Variants in PHF5A observed in about 807,000 individuals in gnomAD.
PHF5A encodes the protein PHD finger protein 5A, also known as PHD finger-like domain-containing protein 5A.
For synonymous variants in PHF5A, 52 were observed against 46.0 expected (o/e 1.13, Z -0.52); for missense variants, 24 against 140.6 (o/e 0.17, Z 4.19).
At chr22:41,467,772 G>A (rs576878605) in intron 2 of PHF5A, among the ~76,000 whole-genome samples, 158 bp from the exon 3 acceptor site, 3 of 152,272 alleles carry the variant, frequency 2.0e-5, no homozygotes, top group Admixed American at 6.5e-5. Context: ...GGTTTCCCCA[G>A]TGTCCATCTC....
chr22:41,465,182 T>C (rs2037856279), intron 3 of PHF5A, among the ~76,000 whole-genome samples: 1 of 152,194 alleles, frequency 6.6e-6, no homozygotes, highest in South Asian at 2.1e-4. Flanking sequence ...TACTCACTTT[T>C]TTTTTTTGAG....
In PHF5A at chr22:41,460,373, G is replaced by T. The variant is rs201597741; in HGVS notation, c.*25C>A. 66 of 1,565,312 alleles carry T rather than the reference G, an allele frequency of 4.2e-5. No individual in the cohort carries two copies. The Admixed American group carries it at 5.1e-4, about 12-fold the overall frequency. Reference sequence around the variant, plus strand: ...TGGCAGCTGCAGCAGACTGATGTTGGGGGGAGGAAGGGGCCACCCACCAAT... The same window carrying T: ...TGGCAGCTGCAGCAGACTGATGTTGTGGGGAGGAAGGGGCCACCCACCAAT... On this transcript the variant is annotated 3_prime_UTR_variant, in exon 4 of 4. Transcript: ENST00000216252.
rs11387908 is a variant in PHF5A, at chr22:41,463,724, C to CAAAA, written c.244-3241_244-3238dup. ...TGGGAGACACAGTAAGACTCTGTCTCAAAAAAAAAAAAAAAAAAAAAAAGC... is the reference window on the plus strand; with the variant it reads ...TGGGAGACACAGTAAGACTCTGTCTCAAAAAAAAAAAAAAAAAAAAAAAAAAAGC... On this transcript the variant is annotated intron_variant, in intron 3 of 3. Coordinates refer to ENST00000216252, the MANE Select transcript of PHF5A (RefSeq NM_032758.4). Among the ~76,000 whole-genome samples the CAAAA allele has an allele frequency of 4.4e-3, 257 of 59,000 alleles. 26 individuals are homozygous for CAAAA. Among genetic ancestry groups the CAAAA allele is most frequent in the African/African-American group, 0.017 (224 of 13,470 alleles). 38.7% of individuals were successfully genotyped at this position (59,000 alleles called of 152,430 possible). A position where few individuals can be genotyped will look rare whatever the true frequency, so the allele number is the denominator to read the frequency against.
In PHF5A at chr22:41,459,742, TTAA is replaced by T. The variant is rs2037811195; in HGVS notation, c.*653_*655del. On this transcript the variant is annotated 3_prime_UTR_variant, in exon 4 of 4. Transcript: ENST00000216252. ...TACCAGAAAATAAACACCAACTTTA[TTAA>T]TATAATAGCAACAGAAAGAGTTTCC... The T allele has an allele frequency of 3.3e-5, 5 of 152,112 alleles. No homozygotes were observed. The South Asian group carries it at 1.0e-3, about 32-fold the overall frequency. The allele number at this position is 152,112 out of a possible 1,614,324, so 9.4% of individuals were successfully genotyped here.
Position 41,459,907 on chromosome 22 carries a change from C to CG in PHF5A, c.*490_*491insC, listed in dbSNP as rs1568993045. ...TCAAGAGGGCAGAGCCCTGCCCCCC[C>CG]ACCCCCCCCCCAAAAAAAACGGGAA... On this transcript the variant is annotated 3_prime_UTR_variant, in exon 4 of 4. Coordinates refer to ENST00000216252, the MANE Select transcript of PHF5A (RefSeq NM_032758.4). 3 of 48,682 alleles carry CG rather than the reference C, an allele frequency of 6.2e-5. No individual in the cohort carries two copies. The highest frequency in any genetic ancestry group is 1.2e-4 in the Non-Finnish European group (3 of 24,024). 3.0% of individuals were successfully genotyped at this position (48,682 alleles called of 1,614,324 possible).
intron 3 of PHF5A, among the ~76,000 whole-genome samples, chr22:41,461,807 C>T (rs985942836): frequency 6.6e-6 from 1 of 152,010 alleles, no homozygotes; most frequent in Non-Finnish European, 1.5e-5. Flanking sequence ...GGAGTACATG[C>T]ACCCGCGACC....
chr22:41,468,262 C>A, intron 1 of PHF5A, 115 bp from the exon 2 acceptor site: 1 of 910,902 alleles, frequency 1.1e-6, no homozygotes, highest in South Asian at 1.5e-5. Context: ...TGAGTGAGAC[C>A]TGCGGATAGC....
chr22:41,463,930 C>A (rs182557268), intron 3 of PHF5A, among the ~76,000 whole-genome samples: 1 of 152,022 alleles, frequency 6.6e-6, no homozygotes, highest in East Asian at 1.9e-4. Flanking sequence ...AGGCCCTAGT[C>A]CTGGGTCTGT....
chr22:41,466,271 T>C (rs1360056995), intron 3 of PHF5A, among the ~76,000 whole-genome samples: 2 of 152,188 alleles, frequency 1.3e-5, no homozygotes, highest in East Asian at 3.8e-4. Context: ...ATCTTGCCTG[T>C]AGCACTAGTC....
In PHF5A at chr22:41,464,982, A is replaced by G. The variant is rs1470591948; in HGVS notation, c.243+2466T>C. On this transcript the variant is annotated intron_variant, in intron 3 of 3. Coordinates refer to ENST00000216252, the MANE Select transcript of PHF5A (RefSeq NM_032758.4). Reference sequence around the variant, plus strand: ...AAAAGGAGAGGCAAATAGACAAACCAAAGTCCTGCCTCTAATGAAGTGTAA... The same window carrying G: ...AAAAGGAGAGGCAAATAGACAAACCGAAGTCCTGCCTCTAATGAAGTGTAA... Among the ~76,000 whole-genome samples, 4 of 152,228 alleles carry G rather than the reference A, an allele frequency of 2.6e-5. No individual in the cohort carries two copies. In the South Asian group the frequency reaches 6.2e-4, roughly 24 times the overall value.
chr22:41,461,243 C>G (rs2037825266), intron 3 of PHF5A, among the ~76,000 whole-genome samples: 1 of 152,158 alleles, frequency 6.6e-6, no homozygotes, highest in Admixed American at 6.6e-5. Context: ...ACCAATTATC[C>G]TATTTGATCT....
chr22:41,467,982 G>A (rs905556342), intron 2 of PHF5A, 142 bp downstream of exon 2: 5 of 809,216 alleles, frequency 6.2e-6, no homozygotes, highest in Non-Finnish European at 8.0e-6. Flanking sequence ...GAGTTAGAGG[G>A]GCCTTTGGCT....
chr22:41,467,867 A>C (rs2037883214), intron 2 of PHF5A, among the ~76,000 whole-genome samples: 1 of 152,200 alleles, frequency 6.6e-6, no homozygotes, highest in Admixed American at 6.5e-5. Flanking sequence ...AGCCTGTATA[A>C]TTGCTGGCAA....
chr22:41,466,110 G>A (rs2037864689), intron 3 of PHF5A, among the ~76,000 whole-genome samples: 1 of 152,124 alleles, frequency 6.6e-6, no homozygotes, highest in Non-Finnish European at 1.5e-5. Flanking sequence ...GCCTTATTCT[G>A]AATTAGAATT....
intron 3 of PHF5A, among the ~76,000 whole-genome samples, chr22:41,464,341 T>C (rs776381958): frequency 5.3e-5 from 8 of 152,292 alleles, no homozygotes; most frequent in Non-Finnish European, 7.4e-5. Context: ...AAGACAATAA[T>C]AACAAGGGGT....
At chr22:41,461,979 T>A (rs753617840) in intron 3 of PHF5A, among the ~76,000 whole-genome samples, 1 of 152,162 alleles carries the variant, frequency 6.6e-6, no homozygotes, top group African/African-American at 2.4e-5. Flanking sequence ...TTAAATACCA[T>A]AGGAGACTAA....
rs1238912133 is a variant in PHF5A at position 41,467,197 on chromosome 22, A to G, written c.243+251T>C. On this transcript the variant is annotated intron_variant, in intron 3 of 3. Transcript: ENST00000216252. ...CATTTCTGAATAAGAATAACCACAG[A>G]GACATGAATGAGAGGGCTCTCCAAA... Among the ~76,000 whole-genome samples the G allele has an allele frequency of 2.0e-5, 3 of 152,120 alleles. No homozygotes were observed. The East Asian group carries it at 5.8e-4, about 29-fold the overall frequency.
chr22:41,463,552 T>C (rs6002385), intron 3 of PHF5A, among the ~76,000 whole-genome samples: 123,769 of 151,126 alleles, frequency 0.82, 51,706 homozygotes, highest in African/African-American at 0.95. Flanking sequence ...ATGGTGAAAC[T>C]CTGTCTCTAC....
At chr22:41,467,870 G>A (rs1341463359) in intron 2 of PHF5A, 2 of 606,228 alleles carry the variant, frequency 3.3e-6, no homozygotes, top group Admixed American at 5.9e-5. Context: ...CTGTATAATT[G>A]CTGGCAAAGT....
Sources: allele counts gnomAD v4.1 joint callset (sites outside exome capture counted in the v4.1 genomes callset), GRCh38; gene constraint gnomAD v4.1.1; transcripts MANE v1.5; gene names NCBI Gene and HGNC (gene_info 2026-07-23, HGNC 2026-07-21).